RANBP2: variants seen among roughly 807,000 people sequenced by gnomAD.
RANBP2 encodes the protein RAN binding protein 2.
A neutral mutation model predicts 303.6 loss-of-function variants in RANBP2; 57 were observed. That is an observed-to-expected ratio of 0.19 (90% CI 0.15 to 0.23). RANBP2 has a LOEUF of 0.23. Among genes scored for constraint, RANBP2 ranks in the 10% least tolerant of loss-of-function variants. The pLI is 1.00. For synonymous variants in RANBP2, 1,167 were observed against 1,301.5 expected, an observed-to-expected ratio of 0.90 and a Z score of 2.23; for missense variants, 3,138 against 3,780.8, an observed-to-expected ratio of 0.83 and a Z score of 4.46.
intron 1 of RANBP2, among the ~76,000 whole-genome samples, chr2:108,728,845 T>C (rs1030235305): frequency 3.9e-5 from 6 of 152,172 alleles, no homozygotes; most frequent in African/African-American, 1.2e-4. Flanking sequence ...GGTTTCACCA[T>C]GTTAGCCAGG....
the RANBP2 span, among the ~76,000 whole-genome samples, chr2:108,877,774 G>C: frequency 6.6e-6 from 1 of 152,188 alleles, no homozygotes; most frequent in Admixed American, 6.5e-5. Context: ...TGTACAGATT[G>C]AAAGGGCTCA....
rs751375908 is a variant in RANBP2, at chr2:108,767,000, C to G, written c.6461C>G (p.Pro2154Arg). The G allele has an allele frequency of 5.2e-5, 84 of 1,609,638 alleles. No individual in the cohort carries two copies. The highest frequency in any genetic ancestry group is 1.3e-5 in the Non-Finnish European group (15 of 1,179,842). The change falls in exon 20 of 29, where the codon CCC becomes CGC. Residue 2154 changes from proline (P) to arginine (R), a missense_variant. Pro to Arg is a moderately radical substitution (Grantham distance 103, BLOSUM62 -2). Transcript: ENST00000283195. ...RLLLDIPLQT[P>R]HKLVDTGRAA... ...CTGTTAGACATACCACTTCAAACTCCCCATAAACTTGTAGATACTGGCAGA... is the reference window on the plus strand; with the variant it reads ...CTGTTAGACATACCACTTCAAACTCGCCATAAACTTGTAGATACTGGCAGA...
At chr2:108,833,894 ATTTTTTTTTTTTT>A in the RANBP2 span, among the ~76,000 whole-genome samples, 1 of 79,242 alleles carries the variant, frequency 1.3e-5, no homozygotes, top group Admixed American at 1.8e-4. Flanking sequence ...CGCCCGGCTA[ATTTTTTTTTTTTT>A]TTTTTTTTTT....
At chr2:109,504,074 A>G in the RANBP2 span, 3 of 152,236 alleles carry the variant, frequency 2.0e-5, no homozygotes, top group East Asian at 1.9e-4. Context: ...ATTTCTGAGT[A>G]TTTTAAACTC....
chr2:109,591,412 C>T, the RANBP2 span, among the ~76,000 whole-genome samples: 1 of 152,158 alleles, frequency 6.6e-6, no homozygotes, highest in Admixed American at 6.5e-5. Flanking sequence ...AACCAAGCAA[C>T]AGCCACTGGA....
chr2:109,433,192 A>G, the RANBP2 span, among the ~76,000 whole-genome samples: 2 of 152,174 alleles, frequency 1.3e-5, no homozygotes, highest in Admixed American at 6.5e-5. Flanking sequence ...TGCAGTGTGT[A>G]TGCATGTGTG....
chr2:108,993,258 G>A, the RANBP2 span, among the ~76,000 whole-genome samples: 1 of 152,154 alleles, frequency 6.6e-6, no homozygotes, highest in African/African-American at 2.4e-5. Flanking sequence ...CAAAGGTCTT[G>A]TACAAAGGTC....
At chr2:109,034,839 A>G in the RANBP2 span, among the ~76,000 whole-genome samples, 1 of 152,184 alleles carries the variant, frequency 6.6e-6, no homozygotes, top group Admixed American at 6.5e-5. Flanking sequence ...GTGTTCAATA[A>G]CCAGTCATGG....
At chr2:109,297,469 CTGGTG>C in the RANBP2 span, among the ~76,000 whole-genome samples, 1 of 152,086 alleles carries the variant, frequency 6.6e-6, no homozygotes, top group African/African-American at 2.4e-5. Flanking sequence ...AGAGGGGTGC[CTGGTG>C]TGGGTCAGTG....
At chr2:109,056,320 C>T in the RANBP2 span, among the ~76,000 whole-genome samples, 1 of 152,288 alleles carries the variant, frequency 6.6e-6, no homozygotes, top group Non-Finnish European at 1.5e-5. Context: ...ATGCAGGCCA[C>T]CATGCCTCAC....
chr2:109,098,225 A>G, the RANBP2 span, among the ~76,000 whole-genome samples: 2 of 152,274 alleles, frequency 1.3e-5, no homozygotes, highest in African/African-American at 4.8e-5. Flanking sequence ...TTGGGCAAAA[A>G]TTTTAGAAGG....
the RANBP2 span, among the ~76,000 whole-genome samples, chr2:109,222,495 A>G: frequency 7.0e-6 from 1 of 143,568 alleles, no homozygotes; most frequent in African/African-American, 2.9e-5. Context: ...TCCTCCAAAA[A>G]AATAAAAAGA....
the RANBP2 span, chr2:109,398,884 C>T: frequency 1.2e-6 from 2 of 1,613,772 alleles, no homozygotes; most frequent in Non-Finnish European, 1.7e-6. Flanking sequence ...CTCCAGCGAT[C>T]CCCGAGCCGC....
the RANBP2 span, among the ~76,000 whole-genome samples, chr2:109,485,019 T>G: frequency 6.6e-6 from 1 of 152,226 alleles, no homozygotes; most frequent in Non-Finnish European, 1.5e-5. Context: ...GTGCTGAAAA[T>G]AGTACGTAAC....
At chr2:108,912,707 G>A in the RANBP2 span, 1 of 1,601,260 alleles carries the variant, frequency 6.2e-7, no homozygotes. Flanking sequence ...GGGAGACAGG[G>A]TGCTGCTGCC....
At chr2:109,634,876 G>A in the RANBP2 span, among the ~76,000 whole-genome samples, 1 of 152,144 alleles carries the variant, frequency 6.6e-6, no homozygotes, top group African/African-American at 2.4e-5. Flanking sequence ...AAAAGGACGA[G>A]TAAACAATTA....
the RANBP2 span, among the ~76,000 whole-genome samples, chr2:109,684,245 C>CTTTT: frequency 4.6e-5 from 4 of 87,140 alleles, no homozygotes; most frequent in Non-Finnish European, 8.6e-5. Flanking sequence ...CCCGGTCTTA[C>CTTTT]TTTTTTTTTT....
chr2:109,174,951 A>T, the RANBP2 span, among the ~76,000 whole-genome samples: 2 of 152,196 alleles, frequency 1.3e-5, no homozygotes, highest in Non-Finnish European at 2.9e-5. Context: ...CATTTGCCTT[A>T]AATAGGGTAT....
the RANBP2 span, among the ~76,000 whole-genome samples, chr2:109,056,633 G>A: frequency 0.067 from 10,229 of 152,256 alleles, 418 homozygotes; most frequent in Middle Eastern, 0.11. Context: ...ATGGCTTTTC[G>A]AGGATTTAGG....
Sources: gnomAD v4.1 joint callset for allele counts (sites outside exome capture counted in the v4.1 genomes callset) on GRCh38, gnomAD v4.1.1 for gene constraint, MANE v1.5 for transcripts, NCBI Gene and HGNC (gene_info 2026-07-23, HGNC 2026-07-21) for gene names.